The following SLC25A31 variants were observed in gnomAD, a reference collection of about 807,000 sequenced individuals.
SLC25A31 encodes solute carrier family 25 member 31.
Under a neutral mutation model 36.2 loss-of-function variants are expected in SLC25A31, and 40 were observed. The observed-to-expected ratio is 1.10, with a 90% CI of 0.86 to 1.44. The LOEUF (loss-of-function observed/expected upper bound fraction) is 1.44. Among genes scored for constraint, SLC25A31 ranks in the 40% most tolerant of loss-of-function variants. The pLI is 0.00. For missense variants in SLC25A31, 350 were observed against 397.1 expected (o/e 0.88, Z 1.01); for synonymous variants, 143 against 149.7 (o/e 0.96, Z 0.32).
chr4:127,761,318 A>G (rs1212461391), intron 2 of SLC25A31, among the ~76,000 whole-genome samples: 1 of 152,198 alleles, frequency 6.6e-6, no homozygotes, highest in Non-Finnish European at 1.5e-5. Flanking sequence ...AAGAAAGAAA[A>G]AAAGATTAAG....
chr4:127,735,254 C>T (rs532303320), intron 1 of SLC25A31, among the ~76,000 whole-genome samples: 1 of 152,226 alleles, frequency 6.6e-6, no homozygotes, highest in East Asian at 1.9e-4. Flanking sequence ...ATATACTATT[C>T]TTAAAAATGA....
At chr4:127,734,915 G>A (rs1415255747) in intron 1 of SLC25A31, among the ~76,000 whole-genome samples, 5 of 152,118 alleles carry the variant, frequency 3.3e-5, no homozygotes, top group Admixed American at 1.3e-4. Context: ...GAAAAAAAGA[G>A]TGGGAGTTAC....
chr4:127,766,159 T>G (rs956236559), intron 3 of SLC25A31, among the ~76,000 whole-genome samples: 7 of 151,598 alleles, frequency 4.6e-5, no homozygotes, highest in African/African-American at 7.2e-5. Context: ...TTTGTTTTTT[T>G]TTTTGTTTTT....
intron 2 of SLC25A31, among the ~76,000 whole-genome samples, chr4:127,759,126 T>G (rs1732082377): frequency 1.3e-5 from 2 of 152,166 alleles, no homozygotes. Context: ...CTCCATTTGT[T>G]TGTGTCATGT....
chr4:127,738,567 A>G (rs1731675914), intron 1 of SLC25A31, among the ~76,000 whole-genome samples: 1 of 152,198 alleles, frequency 6.6e-6, no homozygotes, highest in African/African-American at 2.4e-5. Flanking sequence ...TGTGTAGAAG[A>G]GAAGAATGTA....
chr4:127,732,556 AATG>A (rs1483264295), intron 1 of SLC25A31, among the ~76,000 whole-genome samples: 1 of 152,184 alleles, frequency 6.6e-6, no homozygotes, highest in Non-Finnish European at 1.5e-5. Context: ...TGTCAGGTAA[AATG>A]AAGTATTCTG....
In SLC25A31 at chr4:127,744,590, C is replaced by G. The variant is rs532332924; in HGVS notation, c.233-82C>G. The G allele has an allele frequency of 2.8e-5, 35 of 1,230,964 alleles. No individual in the cohort carries two copies. In the South Asian group the frequency reaches 6.2e-4, roughly 22 times the overall value. The allele number at this position is 1,230,964 out of a possible 1,614,324, so 76.3% of individuals were successfully genotyped here. ...AAGAAAGAGTATGTTTTAGATAGTT[C>G]ATATAGCTAAATTTGCTAAAACTAT... On this transcript the variant is annotated intron_variant, in intron 1 of 5. Transcript: ENST00000281154.
intron 5 of SLC25A31, among the ~76,000 whole-genome samples, chr4:127,769,343 T>C (rs1324365044): frequency 6.6e-6 from 1 of 152,174 alleles, no homozygotes; most frequent in Non-Finnish European, 1.5e-5. Flanking sequence ...ATACATTTGA[T>C]CTCTATTGTT....
chr4:127,771,926 G>A (rs774955615), intron 5 of SLC25A31, among the ~76,000 whole-genome samples: 4 of 152,096 alleles, frequency 2.6e-5, no homozygotes, highest in African/African-American at 7.2e-5. Flanking sequence ...TGTATGCCTG[G>A]GATAAACCCA....
At chr4:127,765,185 C>T (rs1373255807) in intron 3 of SLC25A31, among the ~76,000 whole-genome samples, 3 of 152,166 alleles carry the variant, frequency 2.0e-5, no homozygotes, top group Non-Finnish European at 1.5e-5. Context: ...CATTTGGCTG[C>T]TCAGGGTGAG....
intron 2 of SLC25A31, among the ~76,000 whole-genome samples, chr4:127,755,640 C>T (rs1205144049): frequency 1.3e-5 from 2 of 152,030 alleles, no homozygotes; most frequent in South Asian, 2.1e-4. Flanking sequence ...GAAAGATATG[C>T]GTGAGCAAGA....
chr4:127,753,706 A>C (rs1731978385), intron 2 of SLC25A31, among the ~76,000 whole-genome samples: 1 of 152,042 alleles, frequency 6.6e-6, no homozygotes, highest in Admixed American at 6.6e-5. Flanking sequence ...CCAAAGAAAA[A>C]CCCAGGATCA....
At chr4:127,737,776 C>G (rs1731660322) in intron 1 of SLC25A31, among the ~76,000 whole-genome samples, 1 of 151,774 alleles carries the variant, frequency 6.6e-6, no homozygotes, top group Admixed American at 6.6e-5. Flanking sequence ...CCAGGCTGGT[C>G]TCAAACTTCT....
chr4:127,751,821 C>G (rs1439620000), intron 2 of SLC25A31, among the ~76,000 whole-genome samples: 1 of 152,108 alleles, frequency 6.6e-6, no homozygotes, highest in Non-Finnish European at 1.5e-5. Context: ...TGAAAAAATG[C>G]TCATCATCAC....
In SLC25A31 at chr4:127,730,771, G is replaced by T. The variant is rs1731506822; in HGVS notation, c.226G>T (p.Glu76Ter). 9.3e-6 allele frequency: 15 copies of T among 1,609,040 alleles called. No individual in the cohort carries two copies. Among genetic ancestry groups the T allele is most frequent in the South Asian group, 5.5e-5 (5 of 90,946 alleles). ...GGACTGCCTGGTGCGGATTCCTCGC[G>T]AGCAGGGTGCGTCAAGGCAGGCCGC... is the stretch of plus-strand genomic sequence containing the variant. ...MVDCLVRIPR[E>*]QGFFSFWRGN... Residue 76 changes from glutamate to a stop codon, truncating the protein, a stop_gained, in exon 1 of 6, where the codon GAG becomes TAG. Coordinates refer to ENST00000281154, the MANE Select transcript of SLC25A31 (RefSeq NM_031291.4). LOFTEE classifies it high-confidence loss of function.
intron 5 of SLC25A31, among the ~76,000 whole-genome samples, chr4:127,770,631 A>G (rs983550246): frequency 6.8e-6 from 1 of 147,922 alleles, no homozygotes; most frequent in African/African-American, 2.7e-5. Flanking sequence ...TCTCAAAAAA[A>G]AAAAGAAAAA....
intron 2 of SLC25A31, among the ~76,000 whole-genome samples, chr4:127,760,559 G>A (rs1330543477): frequency 6.6e-6 from 1 of 152,186 alleles, no homozygotes; most frequent in Non-Finnish European, 1.5e-5. Context: ...GCTGCTCCCA[G>A]CTCTCTTCCT....
chr4:127,756,747 C>A (rs993506851), intron 2 of SLC25A31, among the ~76,000 whole-genome samples: 2 of 151,836 alleles, frequency 1.3e-5, no homozygotes, highest in Admixed American at 1.3e-4. Flanking sequence ...GCCATTGTAC[C>A]GAAAAATTTT....
chr4:127,766,929 G>C, intron 3 of SLC25A31, 137 bp from the exon 4 acceptor site: 1 of 632,538 alleles, frequency 1.6e-6, no homozygotes. Context: ...AAGAATGGGA[G>C]GATTTTGATT....
Sources: allele counts gnomAD v4.1 joint callset (sites outside exome capture counted in the v4.1 genomes callset), GRCh38; gene constraint gnomAD v4.1.1; transcripts MANE v1.5; gene names NCBI Gene and HGNC (gene_info 2026-07-23, HGNC 2026-07-21).